The following TCF4 variants were observed in gnomAD, a reference collection of about 807,000 sequenced individuals.
The protein encoded by TCF4 is SL3-3 enhancer factor 2.
In TCF4, 3 loss-of-function variants were observed where a neutral mutation model predicts 82.1. That is an observed-to-expected ratio of 0.04 (90% confidence interval 0.02 to 0.09). The LOEUF (loss-of-function observed/expected upper bound fraction) is 0.09. TCF4 is among the 10% of genes least tolerant of loss of function. The pLI, the probability that TCF4 is intolerant of heterozygous loss-of-function variation, is 1.00. For synonymous variants in TCF4, 276 were observed against 309.6 expected, an observed-to-expected ratio of 0.89 and a Z score of 1.14; for missense variants, 518 against 852.7, an observed-to-expected ratio of 0.61 and a Z score of 4.89.
chr18:55,496,260 A>G (rs374537313), intron 3 of TCF4: 2 of 152,320 alleles, frequency 1.3e-5, no homozygotes, highest in South Asian at 4.1e-4. Context: ...AAATTGTGCC[A>G]AAGTACAGCG....
chr18:55,457,106 C>T (rs951222882), intron 5 of TCF4, among the ~76,000 whole-genome samples: 2 of 152,206 alleles, frequency 1.3e-5, no homozygotes, highest in East Asian at 1.9e-4. Flanking sequence ...TCAATGTAGG[C>T]AGTCAGTACT....
intron 2 of TCF4, among the ~76,000 whole-genome samples, chr18:55,628,084 G>A (rs1247256947): frequency 6.6e-6 from 1 of 152,028 alleles, no homozygotes; most frequent in Non-Finnish European, 1.5e-5. Context: ...ACAAAGAACA[G>A]CTTCATAGAG....
chr18:55,422,827 G>A (rs1211325663), intron 5 of TCF4, among the ~76,000 whole-genome samples: 1 of 152,056 alleles, frequency 6.6e-6, no homozygotes, highest in African/African-American at 2.4e-5. Context: ...ATTTTTCTTT[G>A]TTGGAATGTC....
At chr18:55,608,970 A>G (rs2097704700) in intron 2 of TCF4, among the ~76,000 whole-genome samples, 1 of 152,142 alleles carries the variant, frequency 6.6e-6, no homozygotes, top group Non-Finnish European at 1.5e-5. Flanking sequence ...TCAGGAAGGT[A>G]GAGCACTCAG....
At chr18:55,510,630 T>A in intron 3 of TCF4, 1 of 1,515,548 alleles carries the variant, frequency 6.6e-7, no homozygotes, top group Non-Finnish European at 8.8e-7. Context: ...CCCCAATATA[T>A]CTGGTGATTA....
chr18:55,576,750 C>G (rs752290393), intron 3 of TCF4, among the ~76,000 whole-genome samples: 1 of 152,134 alleles, frequency 6.6e-6, no homozygotes, highest in Non-Finnish European at 1.5e-5. Flanking sequence ...CTTCCCAATG[C>G]TAGATGTTAA....
intron 3 of TCF4, among the ~76,000 whole-genome samples, chr18:55,563,823 T>C (rs1021830957): frequency 6.6e-6 from 1 of 152,244 alleles, no homozygotes; most frequent in African/African-American, 2.4e-5. Flanking sequence ...CAAAGTGTAT[T>C]TGCAAATGCA....
At chr18:55,388,949 C>T (rs907708953) in intron 6 of TCF4, among the ~76,000 whole-genome samples, 5 of 151,850 alleles carry the variant, frequency 3.3e-5, no homozygotes, top group Non-Finnish European at 7.4e-5. Flanking sequence ...CGGTGAAACC[C>T]CATCTCTACT....
chr18:55,253,690 G>A (rs940623616), intron 15 of TCF4, among the ~76,000 whole-genome samples: 4 of 151,756 alleles, frequency 2.6e-5, no homozygotes, highest in Non-Finnish European at 5.9e-5. Flanking sequence ...AAATTACACA[G>A]TCACATGCAA....
At chr18:55,550,798 C>T (rs1432765843) in intron 3 of TCF4, 1 of 152,072 alleles carries the variant, frequency 6.6e-6, no homozygotes, top group Non-Finnish European at 1.5e-5. Context: ...GCCCAACCTT[C>T]TAAAATATCC....
intron 8 of TCF4, among the ~76,000 whole-genome samples, chr18:55,344,831 G>C (rs2080823830): frequency 6.6e-6 from 1 of 152,046 alleles, no homozygotes; most frequent in South Asian, 2.1e-4. Flanking sequence ...TTGAGTGTTT[G>C]GGGCATACAA....
chr18:55,252,628 C>T (rs1427205855), intron 15 of TCF4, among the ~76,000 whole-genome samples: 1 of 152,074 alleles, frequency 6.6e-6, no homozygotes, highest in Non-Finnish European at 1.5e-5. Flanking sequence ...AACCACTTAA[C>T]CTACATATGG....
chr18:55,322,254 CCTCT>C (rs142035505), intron 8 of TCF4: 20 of 1,056,144 alleles, frequency 1.9e-5, no homozygotes, highest in Non-Finnish European at 2.1e-5. Flanking sequence ...TCTCTCTCTC[CCTCT>C]CTTTCTTTTT....
chr18:55,556,714 A>G (rs1348604348), intron 3 of TCF4, among the ~76,000 whole-genome samples: 2 of 152,206 alleles, frequency 1.3e-5, no homozygotes, highest in African/African-American at 2.4e-5. Context: ...TGTGTATATT[A>G]CCTTTATTTT....
chr18:55,351,212 G>T, intron 6 of TCF4: 1 of 562,520 alleles, frequency 1.8e-6, no homozygotes, highest in Non-Finnish European at 3.1e-6. Flanking sequence ...CTTTTAGGAG[G>T]AAAGTAGATG....
At chr18:55,407,027 C>T (rs2094126771) in intron 5 of TCF4, among the ~76,000 whole-genome samples, 1 of 151,812 alleles carries the variant, frequency 6.6e-6, no homozygotes, top group Admixed American at 6.6e-5. Context: ...ATTTTTAAAA[C>T]TAAAAGTACC....
chr18:55,340,394 C>T (rs2079625388), intron 8 of TCF4, among the ~76,000 whole-genome samples: 1 of 151,602 alleles, frequency 6.6e-6, no homozygotes, highest in African/African-American at 2.4e-5. Flanking sequence ...GCCTGGGAAA[C>T]ACAGGGAGAC....
At chr18:55,463,446 C>T (rs1369447834) in intron 4 of TCF4, among the ~76,000 whole-genome samples, 1 of 152,170 alleles carries the variant, frequency 6.6e-6, no homozygotes, top group Admixed American at 6.5e-5. Context: ...ACATTATATT[C>T]CTTGGGTCTT....
At chr18:55,621,409 G>GATAT (rs36062702) in intron 2 of TCF4, among the ~76,000 whole-genome samples, 20 of 113,084 alleles carry the variant, frequency 1.8e-4, no homozygotes, top group Admixed American at 5.4e-4. Flanking sequence ...GGTACTGCCT[G>GATAT]ATATATATAT....
Sources: gnomAD v4.1 joint callset for allele counts (sites outside exome capture counted in the v4.1 genomes callset) on GRCh38, gnomAD v4.1.1 for gene constraint, MANE v1.5 for transcripts, NCBI Gene and HGNC (gene_info 2026-07-23, HGNC 2026-07-21) for gene names.